The following PSME4 variants were observed in gnomAD, a reference collection of about 807,000 sequenced individuals.
The protein encoded by PSME4 is proteasome activator complex subunit 4.
PSME4 carries 89 observed loss-of-function variants against 253.9 expected under a neutral mutation model. The ratio of observed to expected loss-of-function variants is 0.35; its 90% CI spans 0.30 to 0.42. PSME4 has a LOEUF of 0.42. PSME4 is among the 10% of genes least tolerant of loss of function. The probability of loss-of-function intolerance (pLI) is 1.00; values close to 1 mark genes in which losing one functional copy is unlikely to be tolerated. For missense variants in PSME4, 2,014 were observed against 2,195.2 expected (o/e 0.92, Z 1.65); for synonymous variants, 851 against 759.2 (o/e 1.12, Z -1.99).
rs1669140207 is a variant in PSME4, at chr2:53,936,761, T to C, written c.759+3A>G. On this transcript the variant is annotated splice_donor_region_variant and intron_variant, in intron 6 of 46. Coordinates refer to ENST00000404125, the MANE Select transcript of PSME4 (RefSeq NM_014614.3). Reference sequence around the variant, plus strand: ...GGGAAGAAAGGGAAAAAGGGATACTTACCCCCTCCCATTGTGGGAGATTTT... The same window carrying C: ...GGGAAGAAAGGGAAAAAGGGATACTCACCCCCTCCCATTGTGGGAGATTTT... 8 of 1,574,556 alleles carry C rather than the reference T, an allele frequency of 5.1e-6. No homozygotes were observed. In the Admixed American group the frequency reaches 5.5e-5, roughly 11 times the overall value.
At position 53,895,703 on chromosome 2, in the gene PSME4, C is replaced by T. The variant is rs1196420469; in HGVS notation, c.3722G>A (p.Gly1241Asp). The T allele has an allele frequency of 6.2e-6, 10 of 1,611,952 alleles. No individual in the cohort carries two copies. Among genetic ancestry groups the T allele is most frequent in the Non-Finnish European group, 7.6e-6 (9 of 1,179,292 alleles). ...GCPKPTQIIAGDRPDNHWLHY... is the reference protein window; with the variant it reads ...GCPKPTQIIADDRPDNHWLHY... ...CAACCAATGATTATCAGGCCTATCA[C>T]CAGCAATAATTTGGGTGGGTTTAGG... The change falls in exon 33 of 47, where the codon GGT (glycine) becomes GAT (aspartate). Residue 1241 changes from glycine to aspartate, a missense_variant. By Grantham distance (94) the Gly-to-Asp change is moderately conservative. Around this residue, in one of 4 missense-constraint regions of PSME4, gnomAD observed 989 missense variants for 1,021.1 expected, o/e 0.97. Coordinates refer to ENST00000404125, the MANE Select transcript of PSME4 (RefSeq NM_014614.3).
chr2:53,912,091 C>T (rs2104444306), intron 20 of PSME4, among the ~76,000 whole-genome samples: 1 of 152,300 alleles, frequency 6.6e-6, no homozygotes, highest in East Asian at 1.9e-4. Flanking sequence ...GATTAAAATA[C>T]AGCTTCCATA....
chr2:53,923,996 C>G (rs902825385), intron 14 of PSME4, among the ~76,000 whole-genome samples: 1 of 149,100 alleles, frequency 6.7e-6, no homozygotes, highest in East Asian at 2.0e-4. Context: ...TAAAATTATA[C>G]CTGGTGGAAG....
In PSME4 at chr2:53,970,633, T is replaced by G. The variant is rs1671026902; in HGVS notation, c.152A>C (p.Gln51Pro). Reference protein sequence around the residue: ...AERLDAESDLQLAQIKCNLGR... With the variant: ...AERLDAESDLPLAQIKCNLGR... ...CAGGTTGCATTTGATCTGGGCCAGC[T>G]GCAAGTCGGACTCGGCGTCTAGCCG... The change falls in exon 1 of 47, where the codon CAG becomes CCG. Residue 51 changes from glutamine to proline, a missense_variant. Around this residue, in one of 4 missense-constraint regions of PSME4, gnomAD observed 615 missense variants for 594.4 expected, o/e 1.03. Transcript: ENST00000404125. The G allele has an allele frequency of 6.5e-7, 1 of 1,549,898 alleles. No individual in the cohort carries two copies.
chr2:53,937,846 C>T (rs952075638), intron 4 of PSME4, among the ~76,000 whole-genome samples: 14 of 152,000 alleles, frequency 9.2e-5, no homozygotes, highest in African/African-American at 2.4e-5. Flanking sequence ...AAAAATTTGC[C>T]AGACATGATG....
chr2:53,953,431 A>G (rs895342889), intron 1 of PSME4, among the ~76,000 whole-genome samples: 3 of 150,550 alleles, frequency 2.0e-5, no homozygotes, highest in African/African-American at 2.4e-5. Context: ...AGGAGGATCA[A>G]TTGAGATCAG....
chr2:53,909,605 T>C (rs1324816908), intron 21 of PSME4, among the ~76,000 whole-genome samples: 3 of 152,188 alleles, frequency 2.0e-5, no homozygotes, highest in Non-Finnish European at 2.9e-5. Context: ...AAATGACTAC[T>C]GTATAATTAA....
At chr2:53,961,476 G>A (rs1486716251) in intron 1 of PSME4, among the ~76,000 whole-genome samples, 2 of 151,962 alleles carry the variant, frequency 1.3e-5, no homozygotes, top group Admixed American at 6.6e-5. Context: ...GACCAGCCGT[G>A]GCAACATAGT....
intron 44 of PSME4, among the ~76,000 whole-genome samples, chr2:53,868,943 C>T (rs947060459): frequency 1.8e-4 from 27 of 151,878 alleles, no homozygotes; most frequent in Non-Finnish European, 2.9e-4. Context: ...GACTCCGCAC[C>T]CTCTCACCAA....
intron 3 of PSME4, among the ~76,000 whole-genome samples, chr2:53,942,700 T>C (rs1014370768): frequency 1.4e-4 from 21 of 152,208 alleles, no homozygotes; most frequent in African/African-American, 4.8e-4. Context: ...TATTATTTCA[T>C]ACTTAGCCAT....
chr2:53,960,771 T>C (rs1377510464), intron 1 of PSME4, among the ~76,000 whole-genome samples: 1 of 152,206 alleles, frequency 6.6e-6, no homozygotes, highest in South Asian at 2.1e-4. Context: ...CAGTTGCTTT[T>C]GAATTTTTTT....
chr2:53,954,799 C>T (rs536815279), intron 1 of PSME4, among the ~76,000 whole-genome samples: 1 of 151,620 alleles, frequency 6.6e-6, no homozygotes, highest in East Asian at 1.9e-4. Context: ...CAAGACTGTG[C>T]CACTGCACTC....
At chr2:53,937,936 T>A (rs1669199618) in intron 4 of PSME4, among the ~76,000 whole-genome samples, 1 of 150,902 alleles carries the variant, frequency 6.6e-6, no homozygotes, top group Non-Finnish European at 1.5e-5. Flanking sequence ...GAGGTTGCAG[T>A]GAGCCAAGAC....
chr2:53,899,227 G>A (rs948717079), intron 29 of PSME4, among the ~76,000 whole-genome samples: 1 of 151,886 alleles, frequency 6.6e-6, no homozygotes, highest in East Asian at 2.0e-4. Context: ...ACCATGCCAG[G>A]CTAAATTTTT....
intron 43 of PSME4, among the ~76,000 whole-genome samples, 177 bp downstream of exon 43, chr2:53,874,162 G>A (rs911089320): frequency 1.3e-5 from 2 of 152,098 alleles, no homozygotes; most frequent in Non-Finnish European, 2.9e-5. Context: ...GTCTTGCTAC[G>A]TTGTCCAGGC....
chr2:53,904,282 G>C (rs1680545026), intron 26 of PSME4, 126 bp from the exon 27 acceptor site: 1 of 952,518 alleles, frequency 1.0e-6, no homozygotes, highest in African/African-American at 1.7e-5. Context: ...AAATTTCAAA[G>C]CACGTACCCT....
rs1374911890 is a variant in PSME4, at chr2:53,940,981, A to T, written c.501-981T>A. On this transcript the variant is annotated intron_variant, in intron 3 of 46. Transcript: ENST00000404125. ...TATATATATATATATATATATATAT[A>T]TATATATATATATATATATGAAAGG... Among the ~76,000 whole-genome samples, 174 of 75,548 alleles carry T rather than the reference A, an allele frequency of 2.3e-3. 11 individuals carry two copies. The highest frequency in any genetic ancestry group is 6.1e-3 in the African/African-American group (160 of 26,078). The allele number at this position is 75,548 out of a possible 152,430, so 49.6% of individuals were successfully genotyped here. A position where few individuals can be genotyped will look rare whatever the true frequency, so the allele number is the denominator to read the frequency against.
chr2:53,946,419 TG>T (rs1669702841), intron 3 of PSME4, among the ~76,000 whole-genome samples: 1 of 152,244 alleles, frequency 6.6e-6, no homozygotes. Flanking sequence ...AGCCTGTCTA[TG>T]GCCATACCAC....
intron 40 of PSME4, among the ~76,000 whole-genome samples, chr2:53,886,026 G>A (rs562543870): frequency 2.0e-5 from 3 of 152,226 alleles, no homozygotes; most frequent in Non-Finnish European, 4.4e-5. Flanking sequence ...CCACAGAATA[G>A]GAGAAAATAT....
Sources: allele counts gnomAD v4.1 joint callset (sites outside exome capture counted in the v4.1 genomes callset), GRCh38; gene constraint gnomAD v4.1.1; regional missense constraint gnomAD v4.1.1; transcripts MANE v1.5; gene names NCBI Gene and HGNC (gene_info 2026-07-23, HGNC 2026-07-21).